ARHGAP32: variants seen among roughly 807,000 people sequenced by gnomAD.
The protein encoded by ARHGAP32 is rho GTPase-activating protein 32.
ARHGAP32 carries 51 observed loss-of-function variants against 186.5 expected under a neutral mutation model. That is an observed-to-expected ratio of 0.27 (90% CI 0.22 to 0.35). The LOEUF (loss-of-function observed/expected upper bound fraction) is 0.35, where lower values mean the gene tolerates loss of function less well. Ranked by LOEUF, ARHGAP32 falls within the 10% of genes least tolerant of loss-of-function variation. The probability of loss-of-function intolerance (pLI) is 1.00; values close to 1 mark genes in which losing one functional copy is unlikely to be tolerated. For synonymous variants in ARHGAP32, 950 were observed against 964.3 expected, an observed-to-expected ratio of 0.99 and a Z score of 0.27; for missense variants, 2,186 against 2,623.5, an observed-to-expected ratio of 0.83 and a Z score of 3.64.
intron 1 of ARHGAP32, among the ~76,000 whole-genome samples, chr11:129,247,011 T>C (rs1945109470): frequency 6.6e-6 from 1 of 152,194 alleles, no homozygotes; most frequent in Admixed American, 6.5e-5. Flanking sequence ...ACCTCTTTTT[T>C]CCTCACTAGG....
chr11:129,245,384 G>A (rs1444365172), intron 1 of ARHGAP32, among the ~76,000 whole-genome samples: 1 of 149,412 alleles, frequency 6.7e-6, no homozygotes, highest in African/African-American at 2.5e-5. Flanking sequence ...TCACTCATAG[G>A]TGGGAATTGA....
At chr11:129,043,449 C>A (rs547705596) in intron 10 of ARHGAP32, among the ~76,000 whole-genome samples, 2 of 147,018 alleles carry the variant, frequency 1.4e-5, no homozygotes, top group East Asian at 4.0e-4. Flanking sequence ...TGCAACGACG[C>A]GACCTCGGCT....
intron 1 of ARHGAP32, among the ~76,000 whole-genome samples, chr11:129,245,637 C>G (rs979894182): frequency 4.1e-5 from 6 of 146,462 alleles, no homozygotes; most frequent in Admixed American, 1.4e-4. Context: ...AAGATCACAA[C>G]AGAATTATCA....
intron 1 of ARHGAP32, among the ~76,000 whole-genome samples, chr11:129,241,051 G>A (rs1355616590): frequency 6.6e-6 from 1 of 152,132 alleles, no homozygotes; most frequent in Non-Finnish European, 1.5e-5. Context: ...CTTTGAGCAA[G>A]TTATTTAATT....
chr11:128,976,001 C>T (rs563682311), intron 20 of ARHGAP32, among the ~76,000 whole-genome samples: 3 of 151,936 alleles, frequency 2.0e-5, no homozygotes, highest in South Asian at 2.1e-4. Context: ...TCACTTAAAC[C>T]GGGAGTTAGA....
intron 10 of ARHGAP32, among the ~76,000 whole-genome samples, chr11:129,044,615 T>G (rs1463102733): frequency 4.6e-5 from 7 of 152,218 alleles, no homozygotes; most frequent in Non-Finnish European, 7.3e-5. Flanking sequence ...TGCCACCTTT[T>G]GGATATATCT....
chr11:129,140,494 T>C (rs55800102), intron 2 of ARHGAP32, among the ~76,000 whole-genome samples: 10,303 of 152,268 alleles, frequency 0.068, 410 homozygotes, highest in Middle Eastern at 0.082. Context: ...CCTTAGGAAT[T>C]TCTGAGTGCT....
intron 6 of ARHGAP32, among the ~76,000 whole-genome samples, chr11:129,071,746 A>G (rs1940875657): frequency 6.6e-6 from 1 of 152,190 alleles, no homozygotes; most frequent in Non-Finnish European, 1.5e-5. Flanking sequence ...CAGTATATCA[A>G]GAAGATATCT....
chr11:129,034,103 T>G (rs937065976), intron 11 of ARHGAP32, among the ~76,000 whole-genome samples: 8 of 152,204 alleles, frequency 5.3e-5, no homozygotes, highest in Non-Finnish European at 1.2e-4. Flanking sequence ...AATTTCTACA[T>G]AGATTCCAAC....
intron 16 of ARHGAP32, 45 bp downstream of exon 16, chr11:128,981,784 T>C (rs1158928285): frequency 4.3e-6 from 6 of 1,385,320 alleles, no homozygotes; most frequent in African/African-American, 2.9e-5. Context: ...CAGCCTTTTA[T>C]TTAGGATTAG....
At chr11:129,217,456 T>C (rs1036345595) in intron 1 of ARHGAP32, among the ~76,000 whole-genome samples, 1 of 152,180 alleles carries the variant, frequency 6.6e-6, no homozygotes, top group African/African-American at 2.4e-5. Flanking sequence ...GCCTAAGTGG[T>C]AGGAAGATGT....
At chr11:129,206,855 C>T (rs1295716407) in intron 1 of ARHGAP32, among the ~76,000 whole-genome samples, 1 of 151,878 alleles carries the variant, frequency 6.6e-6, no homozygotes, top group Non-Finnish European at 1.5e-5. Flanking sequence ...GCTGCACCCA[C>T]CAACCCATCA....
At chr11:129,001,152 A>C (rs1946349021) in intron 11 of ARHGAP32, among the ~76,000 whole-genome samples, 1 of 152,192 alleles carries the variant, frequency 6.6e-6, no homozygotes, top group Admixed American at 6.5e-5. Flanking sequence ...ACCCAGCAGT[A>C]GGACTGCTGT....
rs1565353988 is a variant in ARHGAP32 at position 128,980,762 on chromosome 11, A to T, written c.1781-14T>A. ...TTGATAGAGAAGCTTCAAAAAGAAA[A>T]GGAAGCTGATGAAGAGAGTCAACTA... is the stretch of plus-strand genomic sequence containing the variant. On this transcript the variant is annotated splice_polypyrimidine_tract_variant and intron_variant, in intron 17 of 22. Transcript: ENST00000682385. The T allele has an allele frequency of 6.3e-7, 1 of 1,584,388 alleles. No individual in the cohort carries two copies. Among genetic ancestry groups the T allele is most frequent in the Non-Finnish European group, 8.6e-7 (1 of 1,162,274 alleles).
intron 1 of ARHGAP32, among the ~76,000 whole-genome samples, chr11:129,246,943 G>C (rs1289657452): frequency 6.6e-6 from 1 of 152,086 alleles, no homozygotes. Context: ...GGAACCTGAT[G>C]GTAGCTGATT....
intron 12 of ARHGAP32, among the ~76,000 whole-genome samples, chr11:128,988,329 T>C (rs1945939282): frequency 6.6e-6 from 1 of 152,242 alleles, no homozygotes; most frequent in Non-Finnish European, 1.5e-5. Context: ...AATTCCTGAA[T>C]AATCAAGACT....
intron 5 of ARHGAP32, among the ~76,000 whole-genome samples, chr11:129,120,631 A>G (rs1381061240): frequency 6.6e-6 from 1 of 152,140 alleles, no homozygotes; most frequent in Non-Finnish European, 1.5e-5. Context: ...AGAAAGTTAA[A>G]GATTATTTTG....
Position 128,966,190 on chromosome 11 carries a change from A to G in ARHGAP32, c.*2717T>C, listed in dbSNP as rs961435603. 22 of 152,384 alleles carry G rather than the reference A, an allele frequency of 1.4e-4. No individual in the cohort carries two copies. The highest frequency in any genetic ancestry group is 5.0e-4 in the African/African-American group (21 of 41,600). The allele number at this position is 152,384 out of a possible 1,614,324, so 9.4% of individuals were successfully genotyped here. On this transcript the variant is annotated 3_prime_UTR_variant, in exon 23 of 23. Coordinates refer to ENST00000682385, the MANE Select transcript of ARHGAP32 (RefSeq NM_001378024.1). ...AAAGATAAAATCTGGAGGCATGGCT[A>G]TGAAAATGTCAATAGGATTAAATCA...
intron 6 of ARHGAP32, among the ~76,000 whole-genome samples, chr11:129,068,023 A>C (rs1418302276): frequency 6.6e-6 from 1 of 152,084 alleles, no homozygotes; most frequent in African/African-American, 2.4e-5. Context: ...AAAGGCAGAG[A>C]AGCAATGTGA....
Sources: gnomAD v4.1 joint callset for allele counts (sites outside exome capture counted in the v4.1 genomes callset) on GRCh38, gnomAD v4.1.1 for gene constraint, MANE v1.5 for transcripts, NCBI Gene and HGNC (gene_info 2026-07-23, HGNC 2026-07-21) for gene names.